Variants in SNTG2 observed in about 807,000 individuals in gnomAD.
SNTG2 encodes the protein gamma-2-syntrophin.
In SNTG2, 74 loss-of-function variants were observed where a neutral mutation model predicts 70.9. That is an observed-to-expected ratio of 1.04 (90% CI 0.86 to 1.27). The LOEUF (loss-of-function observed/expected upper bound fraction) is 1.27, where lower values mean the gene tolerates loss of function less well. Among genes scored for constraint, SNTG2 ranks in the 50% most tolerant of loss-of-function variants. The probability of loss-of-function intolerance (pLI) is 0.00; values close to 1 mark genes in which losing one functional copy is unlikely to be tolerated. For synonymous variants in SNTG2, 278 were observed against 273.8 expected, an observed-to-expected ratio of 1.02 and a Z score of -0.15; for missense variants, 717 against 690.7, an observed-to-expected ratio of 1.04 and a Z score of -0.43.
intron 4 of SNTG2, among the ~76,000 whole-genome samples, chr2:1,117,006 C>G (rs1667053670): frequency 7.0e-6 from 1 of 143,282 alleles, no homozygotes; most frequent in African/African-American, 2.8e-5. Context: ...TACGAGTGCC[C>G]TGGTGTGTGG....
chr2:1,324,777 A>G (rs952518166), intron 16 of SNTG2, among the ~76,000 whole-genome samples: 1 of 152,200 alleles, frequency 6.6e-6, no homozygotes, highest in Admixed American at 6.5e-5. Context: ...AATAATAATG[A>G]CTGGCCACAT....
chr2:1,034,816 A>C (rs111418427), intron 1 of SNTG2, among the ~76,000 whole-genome samples: 5,872 of 152,316 alleles, frequency 0.039, 181 homozygotes, highest in African/African-American at 0.082. Context: ...TCATTGAGGC[A>C]GAAAATTAAC....
chr2:1,021,648 A>T (rs6548176), intron 1 of SNTG2, among the ~76,000 whole-genome samples: 46,269 of 150,880 alleles, frequency 0.31, 7,457 homozygotes, highest in African/African-American at 0.4. Flanking sequence ...TGTCATCCAG[A>T]CTGAAGTGCA....
Position 1,266,357 on chromosome 2 carries a change from A to G in SNTG2, c.1078-1008A>G, listed in dbSNP as rs531899871. Among the ~76,000 whole-genome samples the G allele has an allele frequency of 4.6e-5, 7 of 152,306 alleles. No individual in the cohort carries two copies. In the South Asian group the frequency reaches 1.4e-3, roughly 32 times the overall value. Reference sequence around the variant, plus strand: ...GTGCAACCTTGCAGATGGGGGAAAGAAGTGGGGAGCTCCCCAGGCTGCTCC... The same window carrying G: ...GTGCAACCTTGCAGATGGGGGAAAGGAGTGGGGAGCTCCCCAGGCTGCTCC... On this transcript the variant is annotated intron_variant, in intron 13 of 16. Transcript: ENST00000308624.
At chr2:1,189,769 A>AT (rs34158331) in intron 8 of SNTG2, among the ~76,000 whole-genome samples, 37,872 of 151,812 alleles carry the variant, frequency 0.25, 5,230 homozygotes, top group East Asian at 0.44. Flanking sequence ...GAATGGTCTC[A>AT]ATCTCTTGAC....
At chr2:1,062,182 A>G (rs1040786365) in intron 1 of SNTG2, among the ~76,000 whole-genome samples, 2 of 152,174 alleles carry the variant, frequency 1.3e-5, no homozygotes, top group Admixed American at 6.5e-5. Flanking sequence ...GCTGGTAGGA[A>G]TATAAATGGC....
chr2:1,306,724 G>T (rs2148244511), intron 14 of SNTG2, among the ~76,000 whole-genome samples: 1 of 144,650 alleles, frequency 6.9e-6, no homozygotes, highest in African/African-American at 2.5e-5. Context: ...TGCACTGTCA[G>T]CCGTGCGCTG....
intron 10 of SNTG2, among the ~76,000 whole-genome samples, chr2:1,238,329 T>C (rs1477553679): frequency 2.0e-5 from 3 of 152,178 alleles, no homozygotes; most frequent in African/African-American, 7.2e-5. Context: ...GAAATAGTTA[T>C]ATGTCATAAT....
rs1216091597 is a variant in SNTG2 at position 1,062,651 on chromosome 2, T to C, written c.73-20867T>C. 2.6e-5 allele frequency among the ~76,000 whole-genome samples: 4 copies of C among 152,256 alleles called. No individual in the cohort carries two copies. In the East Asian group the frequency reaches 5.8e-4, roughly 22 times the overall value. On this transcript the variant is annotated intron_variant, in intron 1 of 16. Coordinates refer to ENST00000308624, the MANE Select transcript of SNTG2 (RefSeq NM_018968.4). Reference sequence around the variant, plus strand: ...CACCAACTCTACCTTATGACTCTTCTGTGGTACATAAAATGTTGAGTTAAG... The same window carrying C: ...CACCAACTCTACCTTATGACTCTTCCGTGGTACATAAAATGTTGAGTTAAG...
intron 12 of SNTG2, among the ~76,000 whole-genome samples, chr2:1,249,530 T>C (rs1156481653): frequency 6.6e-6 from 1 of 152,244 alleles, no homozygotes; most frequent in Non-Finnish European, 1.5e-5. Context: ...TCTGGTCTTC[T>C]TCCCCGGTGG....
chr2:1,314,542 C>G (rs1681178404), intron 15 of SNTG2, among the ~76,000 whole-genome samples: 1 of 152,214 alleles, frequency 6.6e-6, no homozygotes, highest in Non-Finnish European at 1.5e-5. Context: ...CTGGGACAGG[C>G]CCTCCAGGCC....
chr2:1,323,325 T>G (rs1681610241), intron 16 of SNTG2, among the ~76,000 whole-genome samples: 1 of 152,160 alleles, frequency 6.6e-6, no homozygotes, highest in Admixed American at 6.5e-5. Flanking sequence ...AGCTGTTTCA[T>G]CATGAAAGTG....
intron 8 of SNTG2, among the ~76,000 whole-genome samples, chr2:1,202,512 G>A (rs1341934792): frequency 6.6e-6 from 1 of 151,988 alleles, no homozygotes; most frequent in Admixed American, 6.5e-5. Context: ...GTTCAACAGA[G>A]TAGAAAAAAT....
chr2:1,200,624 C>T (rs980622399), intron 8 of SNTG2, among the ~76,000 whole-genome samples: 16 of 151,904 alleles, frequency 1.1e-4, no homozygotes, highest in South Asian at 2.1e-4. Flanking sequence ...ACTATTCATT[C>T]GACAAGAGAC....
At chr2:1,221,491 C>T (rs1384706405) in intron 9 of SNTG2, among the ~76,000 whole-genome samples, 2 of 52,898 alleles carry the variant, frequency 3.8e-5, no homozygotes, top group Non-Finnish European at 6.9e-5. Context: ...CTCTCTCTGT[C>T]TCTCTCTGTC....
chr2:1,017,343 C>A (rs1282729862), intron 1 of SNTG2, among the ~76,000 whole-genome samples: 6 of 152,190 alleles, frequency 3.9e-5, no homozygotes, highest in Non-Finnish European at 8.8e-5. Flanking sequence ...TCAAGTATAT[C>A]TTTTTAAAAT....
rs75666455 is a variant in SNTG2 at position 975,872 on chromosome 2, C to T, written c.72+24804C>T. ...AAGATGTTACTTTACCAGACAGTAACCTTTATTAATGTGTTATGAAAATCT... is the reference window on the plus strand; with the variant it reads ...AAGATGTTACTTTACCAGACAGTAATCTTTATTAATGTGTTATGAAAATCT... On this transcript the variant is annotated intron_variant, in intron 1 of 16. Coordinates refer to ENST00000308624, the MANE Select transcript of SNTG2 (RefSeq NM_018968.4). 5.1e-3 allele frequency among the ~76,000 whole-genome samples: 771 copies of T among 152,288 alleles called. 10 individuals carry two copies. Among genetic ancestry groups the T allele is most frequent in the African/African-American group, 0.016 (651 of 41,560 alleles).
In SNTG2 at chr2:1,238,017, C is replaced by G. The variant is rs1043612808; in HGVS notation, c.849C>G (p.Asn283Lys). Reference protein sequence around the residue: ...SANIRELTLQNMKMANKCCSP... With the variant: ...SANIRELTLQKMKMANKCCSP... ...ACATCAGGGAGCTGACACTTCAGAA[C>G]GTGAGCACACGGTGTTTCTGAGTCT... Residue 283 changes from asparagine (N) to lysine (K), a missense_variant and splice_region_variant, in exon 10 of 17, where the codon AAC (asparagine) becomes AAG (lysine). Coordinates refer to ENST00000308624, the MANE Select transcript of SNTG2 (RefSeq NM_018968.4). 1.2e-6 allele frequency: 2 copies of G among 1,608,366 alleles called. No individual in the cohort carries two copies. Among genetic ancestry groups the G allele is most frequent in the African/African-American group, 2.7e-5 (2 of 74,850 alleles).
rs571783637 is a variant in SNTG2 at position 950,993 on chromosome 2, G to C, written c.-4G>C. On this transcript the variant is annotated 5_prime_UTR_variant, in exon 1 of 17. Coordinates refer to ENST00000308624, the MANE Select transcript of SNTG2 (RefSeq NM_018968.4). ...GGAGCGCGGACCCAGCCGCAGGGGC[G>C]GCGATGGGCACCGAGGGACCCCCGC... 1.4e-3 allele frequency: 1,799 copies of C among 1,241,440 alleles called. 7 individuals are homozygous for C. The highest frequency in any genetic ancestry group is 1.6e-3 in the Middle Eastern group (5 of 3,206). The allele number at this position is 1,241,440 out of a possible 1,614,324, so 76.9% of individuals were successfully genotyped here.
Sources: gnomAD v4.1 joint callset for allele counts (sites outside exome capture counted in the v4.1 genomes callset) on GRCh38, gnomAD v4.1.1 for gene constraint, MANE v1.5 for transcripts, NCBI Gene and HGNC (gene_info 2026-07-23, HGNC 2026-07-21) for gene names.